DNAAF10: variants seen among roughly 807,000 people sequenced by gnomAD.
The protein encoded by DNAAF10 is dynein axonemal assembly factor 10.
DNAAF10 carries 28 observed loss-of-function variants against 43.7 expected under a neutral mutation model. The ratio of observed to expected loss-of-function variants is 0.64; its 90% CI spans 0.48 to 0.88. The LOEUF (loss-of-function observed/expected upper bound fraction) is 0.88. DNAAF10 is among the 40% of genes least tolerant of loss of function. DNAAF10 has a pLI of 0.00. For missense variants in DNAAF10, 403 were observed against 439.1 expected (o/e 0.92, Z 0.73); for synonymous variants, 156 against 157.3 (o/e 0.99, Z 0.06).
chr2:68,143,992 T>C (rs1673252597), intron 3 of DNAAF10, among the ~76,000 whole-genome samples: 1 of 152,234 alleles, frequency 6.6e-6, no homozygotes, highest in Non-Finnish European at 1.5e-5. Flanking sequence ...AAATCAATTA[T>C]AATAGGTACC....
At chr2:68,132,741 TC>T (rs1257293035) in intron 7 of DNAAF10, among the ~76,000 whole-genome samples, 1 of 152,192 alleles carries the variant, frequency 6.6e-6, no homozygotes, top group East Asian at 1.9e-4. Context: ...TTAAACCAAT[TC>T]CCTTTGCTGG....
chr2:68,143,993 A>G (rs1471064422), intron 3 of DNAAF10, among the ~76,000 whole-genome samples: 1 of 152,226 alleles, frequency 6.6e-6, no homozygotes, highest in African/African-American at 2.4e-5. Context: ...AATCAATTAT[A>G]ATAGGTACCA....
In DNAAF10 at chr2:68,149,568, A is replaced by G. The variant is rs564765604; in HGVS notation, c.184-2001T>C. On this transcript the variant is annotated intron_variant, in intron 1 of 7. Transcript: ENST00000295121. Reference sequence around the variant, plus strand: ...AGTATCTGAAAATGGGGCAACACAGAGGATCAAAATTTTGTCAACAAAGCA... The same window carrying G: ...AGTATCTGAAAATGGGGCAACACAGGGGATCAAAATTTTGTCAACAAAGCA... 5.3e-5 allele frequency among the ~76,000 whole-genome samples: 8 copies of G among 152,298 alleles called. No homozygotes were observed. The South Asian group carries it at 1.7e-3, about 32-fold the overall frequency.
intron 2 of DNAAF10, among the ~76,000 whole-genome samples, chr2:68,146,677 T>G (rs1673324550): frequency 6.6e-6 from 1 of 152,192 alleles, no homozygotes; most frequent in African/African-American, 2.4e-5. Flanking sequence ...GTAGTTCCAT[T>G]TTGTTTAATG....
intron 2 of DNAAF10, among the ~76,000 whole-genome samples, chr2:68,146,325 T>C (rs1300173249): frequency 1.3e-5 from 2 of 152,234 alleles, no homozygotes; most frequent in Non-Finnish European, 2.9e-5. Flanking sequence ...ATCATCATTA[T>C]GAACTAATCA....
intron 4 of DNAAF10, among the ~76,000 whole-genome samples, chr2:68,140,111 C>G (rs1041683341): frequency 4.6e-5 from 7 of 152,132 alleles, no homozygotes; most frequent in African/African-American, 1.7e-4. Context: ...ACTCATCCTC[C>G]TGGAATTAAT....
chr2:68,147,694 T>G, intron 1 of DNAAF10, 127 bp from the exon 2 acceptor site: 1 of 597,926 alleles, frequency 1.7e-6, no homozygotes, highest in Non-Finnish European at 2.6e-6. Context: ...TTAAAACATC[T>G]TCTGATGAAA....
rs1015183827 is a variant in DNAAF10, at chr2:68,156,064, A to T, written c.183+1197T>A. 3.5e-5 allele frequency among the ~76,000 whole-genome samples: 5 copies of T among 142,942 alleles called. 1 individual carries two copies. Among genetic ancestry groups the T allele is most frequent in the African/African-American group, 1.0e-4 (4 of 38,754 alleles). 93.8% of individuals were successfully genotyped at this position (142,942 alleles called of 152,430 possible). A position where few individuals can be genotyped will look rare whatever the true frequency, so the allele number is the denominator to read the frequency against. ...TTGCAGTGAGCTGTGTTTGCACCACAGCACTCCGGGCTGGGTGACAGATTG... is the reference window on the plus strand; with the variant it reads ...TTGCAGTGAGCTGTGTTTGCACCACTGCACTCCGGGCTGGGTGACAGATTG... On this transcript the variant is annotated intron_variant, in intron 1 of 7. Transcript: ENST00000295121.
intron 1 of DNAAF10, among the ~76,000 whole-genome samples, chr2:68,156,560 T>C (rs563734610): frequency 1.3e-5 from 2 of 152,370 alleles, no homozygotes; most frequent in East Asian, 3.9e-4. Context: ...ATCCTTTCAG[T>C]TGTGTCCGTT....
intron 1 of DNAAF10, among the ~76,000 whole-genome samples, chr2:68,152,019 A>G (rs1408487038): frequency 2.0e-5 from 3 of 152,210 alleles, no homozygotes; most frequent in Non-Finnish European, 4.4e-5. Context: ...TCAATTAAAT[A>G]AACATTTTAT....
intron 1 of DNAAF10, among the ~76,000 whole-genome samples, chr2:68,154,969 T>TC (rs966338077): frequency 1.3e-5 from 2 of 151,840 alleles, no homozygotes; most frequent in African/African-American, 4.8e-5. Flanking sequence ...AGACGGGGTT[T>TC]CCCCATGTTG....
chr2:68,153,706 A>C (rs1441905502), intron 1 of DNAAF10, among the ~76,000 whole-genome samples: 1 of 147,114 alleles, frequency 6.8e-6, no homozygotes, highest in East Asian at 2.0e-4. Flanking sequence ...ATATTTAAAA[A>C]TTTTTTTCCA....
intron 1 of DNAAF10, among the ~76,000 whole-genome samples, chr2:68,152,958 A>G (rs1673491888): frequency 6.6e-6 from 1 of 152,248 alleles, no homozygotes; most frequent in African/African-American, 2.4e-5. Flanking sequence ...GGGCTAAAAA[A>G]GCAGAATTTT....
intron 2 of DNAAF10, among the ~76,000 whole-genome samples, chr2:68,146,031 G>A (rs949456022): frequency 1.3e-5 from 2 of 152,176 alleles, no homozygotes; most frequent in Non-Finnish European, 2.9e-5. Context: ...GGAGGTCAAG[G>A]TGAGTAGATC....
intron 3 of DNAAF10, among the ~76,000 whole-genome samples, chr2:68,142,949 C>T (rs746810621): frequency 2.0e-5 from 3 of 151,946 alleles, no homozygotes; most frequent in Non-Finnish European, 2.9e-5. Flanking sequence ...TGCAGTCGTG[C>T]GATCATGGTT....
intron 3 of DNAAF10, among the ~76,000 whole-genome samples, chr2:68,143,538 A>G (rs1341811771): frequency 6.6e-6 from 1 of 152,162 alleles, no homozygotes; most frequent in African/African-American, 2.4e-5. Context: ...ACATATGACA[A>G]TACTCATTTA....
In DNAAF10 at chr2:68,141,698, T is replaced by C. The variant is rs748210858; in HGVS notation, c.513A>G (p.Ala171=). ...GENKRDCWTV[A]FGNAYNQEER... ...AAGAATTCTTCAATAATTTACCAAA[T>C]GCCACAGTCCAACAGTCTCTCTTGT... The change falls in exon 4 of 8, where the codon GCA becomes GCG. Residue 171 remains alanine, a synonymous_variant. Coordinates refer to ENST00000295121, the MANE Select transcript of DNAAF10 (RefSeq NM_138458.4). 5 of 1,611,088 alleles carry C rather than the reference T, an allele frequency of 3.1e-6. No individual in the cohort carries two copies. The highest frequency in any genetic ancestry group is 3.4e-5 in the Admixed American group (2 of 59,384).
intron 1 of DNAAF10, among the ~76,000 whole-genome samples, chr2:68,156,695 CAGA>C: frequency 6.6e-6 from 1 of 152,338 alleles, no homozygotes; most frequent in South Asian, 2.1e-4. Context: ...TCTGCATGTG[CAGA>C]AGCCCTGGAA....
At position 68,153,748 on chromosome 2, in the gene DNAAF10, T is replaced by C. The variant is rs11894090; in HGVS notation, c.183+3513A>G. On this transcript the variant is annotated intron_variant, in intron 1 of 7. Coordinates refer to ENST00000295121, the MANE Select transcript of DNAAF10 (RefSeq NM_138458.4). The stretch of plus-strand genomic sequence containing the variant: ...CAGAACAGCCAAACACAATGAAGTT[T>C]TTTTTTTTTTTTTTTTTTTTTGGAG... Among the ~76,000 whole-genome samples, 208 of 131,912 alleles carry C rather than the reference T, an allele frequency of 1.6e-3. 2 individuals carry two copies. The highest frequency in any genetic ancestry group is 5.9e-3 in the African/African-American group (175 of 29,812). The allele number at this position is 131,912 out of a possible 152,430, so 86.5% of individuals were successfully genotyped here.
Sources: allele counts gnomAD v4.1 joint callset (sites outside exome capture counted in the v4.1 genomes callset), GRCh38; gene constraint gnomAD v4.1.1; transcripts MANE v1.5; gene names NCBI Gene and HGNC (gene_info 2026-07-23, HGNC 2026-07-21).